Variants in NCKAP5 observed in about 807,000 individuals in gnomAD.
The protein encoded by NCKAP5 is nck-associated protein 5.
A neutral mutation model predicts 167.0 loss-of-function variants in NCKAP5; 92 were observed. That is an observed-to-expected ratio of 0.55 (90% CI 0.47 to 0.66). NCKAP5 has a LOEUF of 0.66. NCKAP5 is among the 30% of genes least tolerant of loss of function. The pLI is 0.00. For missense variants in NCKAP5, 2,378 were observed against 2,315.0 expected, an observed-to-expected ratio of 1.03 and a Z score of -0.56; for synonymous variants, 891 against 877.4, an observed-to-expected ratio of 1.02 and a Z score of -0.27.
chr2:133,426,837 A>AT (rs895631161), intron 3 of NCKAP5, among the ~76,000 whole-genome samples: 21 of 152,150 alleles, frequency 1.4e-4, no homozygotes, highest in South Asian at 4.2e-4. Flanking sequence ...CTATCTTTCC[A>AT]TTTTTTTTCT....
At chr2:133,349,535 A>G (rs563305496) in intron 3 of NCKAP5, among the ~76,000 whole-genome samples, 1 of 152,340 alleles carries the variant, frequency 6.6e-6, no homozygotes, top group South Asian at 2.1e-4. Flanking sequence ...CCTAATGAGA[A>G]TACACAGTTT....
chr2:132,909,204 C>T (rs747236520), intron 8 of NCKAP5, among the ~76,000 whole-genome samples: 8 of 152,044 alleles, frequency 5.3e-5, no homozygotes, highest in South Asian at 2.1e-4. Context: ...AAATTAGCTA[C>T]GTGTGGTGGC....
chr2:133,672,815 G>A, the NCKAP5 span, among the ~76,000 whole-genome samples: 5 of 152,264 alleles, frequency 3.3e-5, no homozygotes, highest in East Asian at 9.7e-4. Context: ...AAGGAGATTG[G>A]ACTTGACTTT....
chr2:132,923,787 T>C (rs1159659255), intron 8 of NCKAP5, among the ~76,000 whole-genome samples: 1 of 152,174 alleles, frequency 6.6e-6, no homozygotes, highest in African/African-American at 2.4e-5. Context: ...AAAAGCTAAT[T>C]ATTATTAAAA....
intron 7 of NCKAP5, among the ~76,000 whole-genome samples, chr2:132,976,159 C>T (rs570922324): frequency 6.6e-6 from 1 of 152,222 alleles, no homozygotes; most frequent in East Asian, 1.9e-4. Context: ...ATCTCAACTA[C>T]CTATGGAATC....
intron 11 of NCKAP5, among the ~76,000 whole-genome samples, chr2:132,818,341 T>C (rs771548906): frequency 1.2e-4 from 19 of 152,324 alleles, no homozygotes; most frequent in Middle Eastern, 6.8e-3. Flanking sequence ...AGGATATGGA[T>C]AATGCAGATT....
intron 6 of NCKAP5, among the ~76,000 whole-genome samples, chr2:133,106,800 G>A (rs920390329): frequency 7.9e-5 from 12 of 152,152 alleles, no homozygotes; most frequent in African/African-American, 1.9e-4. Context: ...ATGTTATAGC[G>A]AGAAGTTTAT....
At chr2:133,489,783 C>T (rs1322154430) in intron 3 of NCKAP5, among the ~76,000 whole-genome samples, 1 of 152,166 alleles carries the variant, frequency 6.6e-6, no homozygotes, top group Non-Finnish European at 1.5e-5. Flanking sequence ...AGGCCCTGGA[C>T]ATTGGACCAT....
At chr2:132,829,915 C>T (rs372357812) in intron 11 of NCKAP5, among the ~76,000 whole-genome samples, 20 of 152,248 alleles carry the variant, frequency 1.3e-4, no homozygotes, top group African/African-American at 4.6e-4. Flanking sequence ...TGTTGAAATA[C>T]ACATAAGAGG....
chr2:132,857,651 G>A (rs1689576081), intron 11 of NCKAP5, among the ~76,000 whole-genome samples: 1 of 152,134 alleles, frequency 6.6e-6, no homozygotes, highest in African/African-American at 2.4e-5. Flanking sequence ...TCAATTCCTT[G>A]GAATTTAGTT....
rs879708101 is a variant in NCKAP5, at chr2:132,987,867, A to T, written c.429+6285T>A. ...CATTGGTAATGTGTAACTTTGGGCC[A>T]ACTATTTAATTTCTCTGTGCCTCAG... On this transcript the variant is annotated intron_variant, in intron 7 of 19. Transcript: ENST00000409261. Among the ~76,000 whole-genome samples, 8 of 152,204 alleles carry T rather than the reference A, an allele frequency of 5.3e-5. 1 individual carries two copies. The highest frequency in any genetic ancestry group is 4.6e-4 in the Admixed American group (7 of 15,274).
chr2:133,635,410 G>C, the NCKAP5 span, among the ~76,000 whole-genome samples: 1 of 152,080 alleles, frequency 6.6e-6, no homozygotes, highest in African/African-American at 2.4e-5. Flanking sequence ...AGTATCTTCT[G>C]GGAAGACTCT....
chr2:132,739,385 T>G (rs770631669), intron 16 of NCKAP5, among the ~76,000 whole-genome samples: 11 of 152,184 alleles, frequency 7.2e-5, no homozygotes, highest in Non-Finnish European at 1.5e-4. Context: ...TTCAGATAAA[T>G]GAAGTGAGAA....
the NCKAP5 span, among the ~76,000 whole-genome samples, chr2:133,616,890 G>A: frequency 6.6e-6 from 1 of 152,228 alleles, no homozygotes; most frequent in African/African-American, 2.4e-5. Flanking sequence ...GAACCTTGAT[G>A]TGAAAATCCT....
rs571965653 is a variant in NCKAP5 at position 133,179,115 on chromosome 2, A to AC, written c.207+34600dup. On this transcript the variant is annotated intron_variant, in intron 5 of 19. Coordinates refer to ENST00000409261, the MANE Select transcript of NCKAP5 (RefSeq NM_207363.3). ...ACTCTAGGCTGGGTGGCAAAGCCACACAGACCCTGTCTTTAAAACAAAACC... is the reference window on the plus strand; with the variant it reads ...ACTCTAGGCTGGGTGGCAAAGCCACACCAGACCCTGTCTTTAAAACAAAACC... 8.7e-3 allele frequency among the ~76,000 whole-genome samples: 1,331 copies of AC among 152,316 alleles called. 7 individuals are homozygous for AC. Among genetic ancestry groups the AC allele is most frequent in the Non-Finnish European group, 0.014 (933 of 68,028 alleles).
chr2:133,194,491 G>T (rs1265521846), intron 5 of NCKAP5, among the ~76,000 whole-genome samples: 6 of 151,994 alleles, frequency 3.9e-5, no homozygotes, highest in Admixed American at 3.3e-4. Flanking sequence ...ATCCTCCTCT[G>T]TGATCTCACA....
At chr2:133,269,566 G>A (rs2089415875) in intron 4 of NCKAP5, among the ~76,000 whole-genome samples, 1 of 152,188 alleles carries the variant, frequency 6.6e-6, no homozygotes, top group Non-Finnish European at 1.5e-5. Flanking sequence ...GAACATTAAT[G>A]AAACCTTGAG....
At chr2:133,212,037 A>C (rs1217018794) in intron 5 of NCKAP5, among the ~76,000 whole-genome samples, 1 of 152,234 alleles carries the variant, frequency 6.6e-6, no homozygotes, top group East Asian at 1.9e-4. Flanking sequence ...TACCTGAAAG[A>C]GATTCATATC....
At chr2:133,356,149 G>T (rs1361309302) in intron 3 of NCKAP5, among the ~76,000 whole-genome samples, 1 of 152,074 alleles carries the variant, frequency 6.6e-6, no homozygotes, top group Non-Finnish European at 1.5e-5. Context: ...CTAGTCAAGA[G>T]CTCCTGGACT....
Sources: gnomAD v4.1 joint callset for allele counts (sites outside exome capture counted in the v4.1 genomes callset) on GRCh38, gnomAD v4.1.1 for gene constraint, MANE v1.5 for transcripts, NCBI Gene and HGNC (gene_info 2026-07-23, HGNC 2026-07-21) for gene names.